TSHZ1: variants seen among roughly 807,000 people sequenced by gnomAD.
TSHZ1 encodes the protein teashirt homolog 1.
Under a neutral mutation model 67.1 loss-of-function variants are expected in TSHZ1, and 12 were observed. The ratio of observed to expected loss-of-function variants is 0.18; its 90% CI spans 0.11 to 0.29. TSHZ1 has a LOEUF of 0.29. Among genes scored for constraint, TSHZ1 ranks in the 10% least tolerant of loss-of-function variants. TSHZ1 has a pLI of 1.00. For synonymous variants in TSHZ1, 632 were observed against 622.4 expected, an observed-to-expected ratio of 1.02 and a Z score of -0.23; for missense variants, 1,305 against 1,413.9, an observed-to-expected ratio of 0.92 and a Z score of 1.23.
intron 1 of TSHZ1, among the ~76,000 whole-genome samples, chr18:75,250,533 G>C (rs1399262897): frequency 6.6e-6 from 1 of 152,176 alleles, no homozygotes; most frequent in Non-Finnish European, 1.5e-5. Flanking sequence ...CAGGGTCCGG[G>C]GTGCCTGCAG....
intron 1 of TSHZ1, among the ~76,000 whole-genome samples, chr18:75,223,138 G>A (rs1239610208): frequency 6.6e-6 from 1 of 152,132 alleles, no homozygotes; most frequent in Non-Finnish European, 1.5e-5. Context: ...TTCCTCTTGG[G>A]AATTCACGGC....
chr18:75,280,028 A>G (rs1381057104), intron 1 of TSHZ1, among the ~76,000 whole-genome samples: 3 of 152,256 alleles, frequency 2.0e-5, no homozygotes, highest in Non-Finnish European at 4.4e-5. Context: ...ATAGAAAAAC[A>G]CTGTAACATT....
Position 75,281,468 on chromosome 18 carries a change from G to A in TSHZ1, c.41-3980G>A, listed in dbSNP as rs956890981. On this transcript the variant is annotated intron_variant, in intron 1 of 1. Coordinates refer to ENST00000580243, the MANE Select transcript of TSHZ1 (RefSeq NM_001308210.2). This position sits in a 1 kb window ranked among gnomAD's most constrained non-coding sequence, Gnocchi z 5.3. ...GTCACATTAGATCTGTGGCAGAACA[G>A]TGGGGCTCCTTCCACGGGCCCTACA... 2.0e-5 allele frequency among the ~76,000 whole-genome samples: 3 copies of A among 152,324 alleles called. No individual in the cohort carries two copies. Among genetic ancestry groups the A allele is most frequent in the African/African-American group, 7.2e-5 (3 of 41,582 alleles).
Position 75,286,690 on chromosome 18 carries a change from T to G in TSHZ1, c.1283T>G (p.Leu428Arg), listed in dbSNP as rs758861199. 1.2e-6 allele frequency: 2 copies of G among 1,614,124 alleles called. No individual in the cohort carries two copies. Among genetic ancestry groups the G allele is most frequent in the East Asian group, 2.2e-5 (1 of 44,868 alleles). ...CMECGSSHDTLQQLTAHMMVT... is the reference protein window; with the variant it reads ...CMECGSSHDTRQQLTAHMMVT... The stretch of plus-strand genomic sequence containing the variant: ...GAGTGTGGCAGCTCCCACGACACGC[T>G]GCAGCAGCTCACCGCCCACATGATG... The change falls in exon 2 of 2, where the codon CTG (leucine) becomes CGG (arginine). Residue 428 changes from leucine (L) to arginine (R), a missense_variant. This residue lies in a region of TSHZ1 where 909 missense variants were observed against 961.8 expected (regional missense o/e 0.95). Transcript: ENST00000580243. This position sits in a 1 kb window ranked among gnomAD's most constrained non-coding sequence, Gnocchi z 5.1.
chr18:75,235,522 G>A (rs1236627093), intron 1 of TSHZ1, among the ~76,000 whole-genome samples: 1 of 152,084 alleles, frequency 6.6e-6, no homozygotes, highest in African/African-American at 2.4e-5. Context: ...CCATTCATTT[G>A]TTTATCTATC....
rs1051343369 is a variant in TSHZ1 at position 75,281,563 on chromosome 18, C to T, written c.41-3885C>T. The stretch of plus-strand genomic sequence containing the variant: ...TCCTCCCTGATGGGCCTGTGTCTGG[C>T]AGGTGTGCAGGGGTGCTCATGGCTG... On this transcript the variant is annotated intron_variant, in intron 1 of 1. Coordinates refer to ENST00000580243, the MANE Select transcript of TSHZ1 (RefSeq NM_001308210.2). This position sits in a 1 kb window ranked among gnomAD's most constrained non-coding sequence, Gnocchi z 5.3. Among the ~76,000 whole-genome samples the T allele has an allele frequency of 5.3e-5, 8 of 152,076 alleles. No homozygotes were observed. The highest frequency in any genetic ancestry group is 1.0e-4 in the Non-Finnish European group (7 of 68,016).
intron 1 of TSHZ1, among the ~76,000 whole-genome samples, chr18:75,258,140 A>G (rs867915524): frequency 2.6e-5 from 4 of 152,146 alleles, no homozygotes; most frequent in Non-Finnish European, 5.9e-5. Flanking sequence ...GCGTCACTGC[A>G]GTGTGTGAAG....
intron 1 of TSHZ1, among the ~76,000 whole-genome samples, chr18:75,272,842 A>G (rs2023574022): frequency 6.6e-6 from 1 of 152,220 alleles, no homozygotes; most frequent in Non-Finnish European, 1.5e-5. Context: ...CTATGTAGAC[A>G]GTGTTATTTA....
intron 1 of TSHZ1, among the ~76,000 whole-genome samples, chr18:75,212,760 C>T (rs1463497677): frequency 6.6e-6 from 1 of 152,216 alleles, no homozygotes; most frequent in African/African-American, 2.4e-5. Context: ...TTTACAGCTG[C>T]AGCATCCCTT....
At chr18:75,213,697 C>G (rs974230543) in intron 1 of TSHZ1, among the ~76,000 whole-genome samples, 10 of 151,822 alleles carry the variant, frequency 6.6e-5, no homozygotes, top group Non-Finnish European at 1.3e-4. Context: ...ATCCTGGCAG[C>G]TCTTACATAA....
At chr18:75,267,170 C>T (rs2023499120) in intron 1 of TSHZ1, among the ~76,000 whole-genome samples, 1 of 152,058 alleles carries the variant, frequency 6.6e-6, no homozygotes, top group Non-Finnish European at 1.5e-5. Flanking sequence ...AAAATGTGTC[C>T]TCTGGGGGAA....
intron 1 of TSHZ1, among the ~76,000 whole-genome samples, chr18:75,272,265 C>T (rs1034633650): frequency 1.8e-4 from 27 of 152,190 alleles, no homozygotes; most frequent in African/African-American, 6.3e-4. Context: ...TGCGCCGGCA[C>T]GCGAGGCGCC....
chr18:75,251,664 T>C (rs1053493030), intron 1 of TSHZ1, among the ~76,000 whole-genome samples: 6 of 152,198 alleles, frequency 3.9e-5, no homozygotes, highest in African/African-American at 1.2e-4. Context: ...GTTTAGTAAC[T>C]GTGAAGTAGT....
At chr18:75,253,305 ATTTTAGTAC>A (rs1338667527) in intron 1 of TSHZ1, among the ~76,000 whole-genome samples, 3 of 152,172 alleles carry the variant, frequency 2.0e-5, no homozygotes, top group Admixed American at 2.0e-4. Flanking sequence ...TCAGTACTAG[ATTTTAGTAC>A]TTTTTTATCA....
chr18:75,242,633 G>A (rs1285470472), intron 1 of TSHZ1, among the ~76,000 whole-genome samples: 2 of 152,210 alleles, frequency 1.3e-5, no homozygotes, highest in Non-Finnish European at 1.5e-5. Flanking sequence ...GGTAGCTGAT[G>A]TCTGCTACAT....
In TSHZ1 at chr18:75,211,005, G is replaced by GC. The variant is rs1378692255; in HGVS notation, c.-872_-871insC. 3.3e-5 allele frequency: 5 copies of GC among 150,828 alleles called. No homozygotes were observed. Among genetic ancestry groups the GC allele is most frequent in the Admixed American group, 1.3e-4 (2 of 15,150 alleles). 9.3% of individuals were successfully genotyped at this position (150,828 alleles called of 1,614,324 possible). A position where few individuals can be genotyped will look rare whatever the true frequency, so the allele number is the denominator to read the frequency against. On this transcript the variant is annotated 5_prime_UTR_variant, in exon 1 of 2. An upstream open reading frame in the 5' UTR gains an earlier in-frame stop. Transcript: ENST00000580243. Reference sequence around the variant, plus strand: ...TTGTTGCCTTTTTTTTTTCTTGGAGGGGGGGGTGCTTTTTGTGTATTTTTC... The same window carrying GC: ...TTGTTGCCTTTTTTTTTTCTTGGAGGCGGGGGGTGCTTTTTGTGTATTTTTC...
intron 1 of TSHZ1, among the ~76,000 whole-genome samples, chr18:75,226,515 G>A (rs966786054): frequency 2.0e-5 from 3 of 151,418 alleles, no homozygotes; most frequent in East Asian, 1.9e-4. Context: ...AGCACATTTC[G>A]CCATTACTGA....
At chr18:75,228,823 T>C (rs1362537925) in intron 1 of TSHZ1, among the ~76,000 whole-genome samples, 1 of 152,170 alleles carries the variant, frequency 6.6e-6, no homozygotes, top group African/African-American at 2.4e-5. Context: ...TTGTCCTTTC[T>C]TCCAGGAGCA....
intron 1 of TSHZ1, among the ~76,000 whole-genome samples, chr18:75,224,696 A>T (rs1350288505): frequency 6.6e-6 from 1 of 152,212 alleles, no homozygotes; most frequent in African/African-American, 2.4e-5. Flanking sequence ...GTCCATGTTT[A>T]AATTCAGAAG....
Sources: gnomAD v4.1 joint callset for allele counts (sites outside exome capture counted in the v4.1 genomes callset) on GRCh38, gnomAD v4.1.1 for gene constraint, gnomAD v4.1.1 regional missense constraint, Gnocchi (gnomAD v3.1) non-coding constraint, MANE v1.5 for transcripts, NCBI Gene and HGNC (gene_info 2026-07-23, HGNC 2026-07-21) for gene names.